Variants in DAB2IP observed in about 807,000 individuals in gnomAD.
DAB2IP encodes the protein disabled homolog 2-interacting protein.
In DAB2IP, 28 loss-of-function variants were observed where a neutral mutation model predicts 107.2. The ratio of observed to expected loss-of-function variants is 0.26; its 90% CI spans 0.19 to 0.36. The LOEUF is 0.36. Among genes scored for constraint, DAB2IP ranks in the 10% least tolerant of loss-of-function variants. DAB2IP has a pLI of 1.00. For synonymous variants in DAB2IP, 755 were observed against 706.4 expected (o/e 1.07, Z -1.09); for missense variants, 1,400 against 1,644.7 (o/e 0.85, Z 2.57).
intron 3 of DAB2IP, among the ~76,000 whole-genome samples, chr9:121,714,159 A>G (rs908989280): frequency 2.0e-5 from 3 of 152,186 alleles, no homozygotes; most frequent in African/African-American, 7.2e-5. Context: ...CAGCACATCC[A>G]ACCCAGTCTT....
exon 12 of DAB2IP, chr9:121,773,196 G>A: frequency 6.3e-7 from 1 of 1,581,196 alleles, no homozygotes; most frequent in Non-Finnish European, 8.6e-7. Context: ...CGGTGAGCTG[G>A]CACGGCGACA....
chr9:121,669,224 G>A (rs1022135250), intron 1 of DAB2IP, among the ~76,000 whole-genome samples: 2 of 152,024 alleles, frequency 1.3e-5, no homozygotes, highest in Admixed American at 6.6e-5. Flanking sequence ...GAGCTACCGC[G>A]CCCAGCCAGC....
At chr9:121,679,758 T>A (rs1828484472) in intron 2 of DAB2IP, among the ~76,000 whole-genome samples, 1 of 152,022 alleles carries the variant, frequency 6.6e-6, no homozygotes, top group Non-Finnish European at 1.5e-5. Context: ...GAGCTGGAAG[T>A]GATTGGCTAT....
At chr9:121,783,525 T>TC (rs1835805839) in exon 16 of DAB2IP, 7 of 1,614,176 alleles carry the variant, frequency 4.3e-6, no homozygotes, top group Non-Finnish European at 5.9e-6. Context: ...TGATTTTTTT[T>TC]CCTTTCACAG....
At chr9:121,673,246 C>T (rs1333419229) in intron 1 of DAB2IP, among the ~76,000 whole-genome samples, 1 of 152,210 alleles carries the variant, frequency 6.6e-6, no homozygotes, top group South Asian at 2.1e-4. Flanking sequence ...TGCTCCATGT[C>T]CCCTCCATCT....
rs772897394 is a variant in DAB2IP, at chr9:121,700,000, C to G, written c.362+542C>G. ...ATCTGCTCTAAGTAGGGCGCGTGCT[C>G]CACTGGGGGCTGGCGCTAGCAGAGC... On this transcript the variant is annotated intron_variant, in intron 3 of 15. Transcript: ENST00000408936. This position sits in a 1 kb window ranked among gnomAD's most constrained non-coding sequence, Gnocchi z 6.2. Among the ~76,000 whole-genome samples the G allele has an allele frequency of 6.6e-6, 1 of 152,214 alleles. No homozygotes were observed. Among genetic ancestry groups the G allele is most frequent in the African/African-American group, 2.4e-5 (1 of 41,460 alleles).
At chr9:121,613,425 C>T (rs144019958) in intron 1 of DAB2IP, among the ~76,000 whole-genome samples, 1 of 152,274 alleles carries the variant, frequency 6.6e-6, no homozygotes, top group East Asian at 1.9e-4. Flanking sequence ...TAGTTAATTA[C>T]CAAATTGAAT....
intron 1 of DAB2IP, among the ~76,000 whole-genome samples, chr9:121,653,166 C>A (rs80039496): frequency 3.1e-4 from 29 of 93,302 alleles, no homozygotes; most frequent in South Asian, 7.1e-4. Context: ...CAGTACTAAG[C>A]CTTTAGTACT....
At position 121,718,238 on chromosome 9, in the gene DAB2IP, C is replaced by T. The variant is rs573495267; in HGVS notation, c.362+18780C>T. Reference sequence around the variant, plus strand: ...TGGCTGCCTTCTCCCAGCTCCCTCACGCCCTCCAAGGCTCACTCACTCACT... The same window carrying T: ...TGGCTGCCTTCTCCCAGCTCCCTCATGCCCTCCAAGGCTCACTCACTCACT... On this transcript the variant is annotated intron_variant, in intron 3 of 15. Coordinates refer to ENST00000408936, the Ensembl canonical transcript of DAB2IP. 1.2e-4 allele frequency among the ~76,000 whole-genome samples: 19 copies of T among 152,290 alleles called. No homozygotes were observed. The South Asian group carries it at 1.4e-3, about 12-fold the overall frequency.
At chr9:121,620,492 G>A (rs1230894941) in intron 1 of DAB2IP, among the ~76,000 whole-genome samples, 1 of 152,216 alleles carries the variant, frequency 6.6e-6, no homozygotes, top group East Asian at 1.9e-4. Flanking sequence ...TCTGTAAAAT[G>A]GGATAACAGT....
In DAB2IP at chr9:121,722,933, G is replaced by A. The variant is rs374624362; in HGVS notation, c.362+23475G>A. Among the ~76,000 whole-genome samples the A allele has an allele frequency of 4.6e-5, 7 of 152,168 alleles. No homozygotes were observed. In the East Asian group the frequency reaches 1.3e-3, roughly 29 times the overall value. ...AATCTCTTACTCCACCAAAAGCCACGGTGGACTGTTGGTCGGGGACTTTTT... is the reference window on the plus strand; with the variant it reads ...AATCTCTTACTCCACCAAAAGCCACAGTGGACTGTTGGTCGGGGACTTTTT... On this transcript the variant is annotated intron_variant, in intron 3 of 15. Coordinates refer to ENST00000408936, the Ensembl canonical transcript of DAB2IP.
At chr9:121,719,301 G>A (rs1034490975) in intron 3 of DAB2IP, among the ~76,000 whole-genome samples, 7 of 152,222 alleles carry the variant, frequency 4.6e-5, no homozygotes, top group African/African-American at 1.4e-4. Flanking sequence ...TCTCTGCTGG[G>A]GGTTGGGGAA....
intron 2 of DAB2IP, among the ~76,000 whole-genome samples, chr9:121,692,002 C>T (rs1039621244): frequency 2.0e-5 from 3 of 152,120 alleles, no homozygotes; most frequent in Non-Finnish European, 4.4e-5. Context: ...AAAGTGAAGC[C>T]CTGCGAGAAA....
intron 1 of DAB2IP, among the ~76,000 whole-genome samples, chr9:121,673,824 G>A (rs909878119): frequency 5.9e-5 from 9 of 152,146 alleles, no homozygotes; most frequent in Admixed American, 3.3e-4. Flanking sequence ...GTGTGACCAC[G>A]GGCACATCAC....
At chr9:121,627,133 ACACACACT>A (rs1428492400) in intron 1 of DAB2IP, among the ~76,000 whole-genome samples, 1 of 51,170 alleles carries the variant, frequency 2.0e-5, no homozygotes, top group Admixed American at 2.3e-4. Flanking sequence ...ACACACACAC[ACACACACT>A]CACACACACA....
intron 1 of DAB2IP, among the ~76,000 whole-genome samples, chr9:121,581,226 G>A (rs927620062): frequency 6.6e-6 from 1 of 152,126 alleles, no homozygotes; most frequent in African/African-American, 2.4e-5. Context: ...AAGGAGGGAG[G>A]CCAAGAAGAC....
chr9:121,681,151 G>C (rs1320015021), intron 2 of DAB2IP, among the ~76,000 whole-genome samples: 1 of 152,050 alleles, frequency 6.6e-6, no homozygotes, highest in East Asian at 1.9e-4. Context: ...TGCTGCCCAA[G>C]CTCCAACTGC....
At chr9:121,600,666 T>C (rs1318005086) in intron 1 of DAB2IP, among the ~76,000 whole-genome samples, 4 of 152,192 alleles carry the variant, frequency 2.6e-5, no homozygotes, top group African/African-American at 4.8e-5. Context: ...TTCCGTGTTT[T>C]ACTGACCCAG....
At position 121,651,669 on chromosome 9, in the gene DAB2IP, C is replaced by T. The variant is rs1832744443; in HGVS notation, c.-107C>T. Reference sequence around the variant, plus strand: ...GGCAGCCAGGGCCTCGGCGGCCGCTCGGGCGAGCGCGGGAGAACGCGTGGG... The same window carrying T: ...GGCAGCCAGGGCCTCGGCGGCCGCTTGGGCGAGCGCGGGAGAACGCGTGGG... On this transcript the variant is annotated 5_prime_UTR_variant, in exon 1 of 16. Transcript: ENST00000408936. This position sits in a 1 kb window ranked among gnomAD's most constrained non-coding sequence, Gnocchi z 5.1. The T allele has an allele frequency of 9.1e-7, 1 of 1,096,996 alleles. No individual in the cohort carries two copies. The highest frequency in any genetic ancestry group is 1.1e-6 in the Non-Finnish European group (1 of 903,220). 68.0% of individuals were successfully genotyped at this position (1,096,996 alleles called of 1,614,324 possible).
Sources: allele counts gnomAD v4.1 joint callset (sites outside exome capture counted in the v4.1 genomes callset), GRCh38; gene constraint gnomAD v4.1.1; non-coding constraint Gnocchi (gnomAD v3.1); transcripts MANE v1.5; gene names NCBI Gene and HGNC (gene_info 2026-07-23, HGNC 2026-07-21).